Variants in DMRT1 observed in about 807,000 individuals in gnomAD.
DMRT1 encodes the protein doublesex and mab-3 related transcription factor 1.
In DMRT1, 7 loss-of-function variants were observed where a neutral mutation model predicts 32.3. The observed-to-expected ratio is 0.22, with a 90% CI of 0.12 to 0.41. DMRT1 has a LOEUF of 0.41. Among genes scored for constraint, DMRT1 ranks in the 10% least tolerant of loss-of-function variants. DMRT1 has a pLI of 1.00. For missense variants in DMRT1, 625 were observed against 500.5 expected, an observed-to-expected ratio of 1.25 and a Z score of -2.37; for synonymous variants, 278 against 206.1, an observed-to-expected ratio of 1.35 and a Z score of -2.99.
At chr9:938,059 A>G (rs928006641) in intron 4 of DMRT1, among the ~76,000 whole-genome samples, 2 of 152,096 alleles carry the variant, frequency 1.3e-5, no homozygotes, top group African/African-American at 4.8e-5. Context: ...ATTCTTTGGT[A>G]TGTGGATATC....
intron 2 of DMRT1, among the ~76,000 whole-genome samples, chr9:860,431 C>G (rs1171173600): frequency 6.6e-6 from 1 of 152,128 alleles, no homozygotes; most frequent in African/African-American, 2.4e-5. Context: ...GGAGAGTTTG[C>G]TGTCTGAGCA....
At chr9:910,809 T>A (rs1223572133) in intron 3 of DMRT1, among the ~76,000 whole-genome samples, 1 of 152,140 alleles carries the variant, frequency 6.6e-6, no homozygotes, top group Non-Finnish European at 1.5e-5. Flanking sequence ...TGCCTCTTGC[T>A]TGCCAGTGAC....
chr9:927,792 A>C (rs1818576680), intron 4 of DMRT1, among the ~76,000 whole-genome samples: 3 of 152,212 alleles, frequency 2.0e-5, no homozygotes. Flanking sequence ...GAACTAGAGT[A>C]GATGGTTATT....
At chr9:869,241 T>C (rs1195205350) in intron 2 of DMRT1, among the ~76,000 whole-genome samples, 2 of 152,156 alleles carry the variant, frequency 1.3e-5, no homozygotes, top group African/African-American at 4.8e-5. Context: ...CTTCCTCCCC[T>C]TTCCCTATGG....
rs536767711 is a variant in DMRT1, at chr9:876,332, C to G, written c.539-17580C>G. Among the ~76,000 whole-genome samples, 13 of 152,166 alleles carry G rather than the reference C, an allele frequency of 8.5e-5. 1 individual carries two copies. The East Asian group carries it at 2.3e-3, about 27-fold the overall frequency. On this transcript the variant is annotated intron_variant, in intron 2 of 4. Coordinates refer to ENST00000382276, the MANE Select transcript of DMRT1 (RefSeq NM_021951.3). ...GGGCCAGTGGGAAGTGACCTGGGGC[C>G]AAATCATGACTCTCAGCCACTGCCT...
chr9:938,389 A>G (rs1818955316), intron 4 of DMRT1, among the ~76,000 whole-genome samples: 1 of 152,188 alleles, frequency 6.6e-6, no homozygotes, highest in Non-Finnish European at 1.5e-5. Context: ...AACAATATTA[A>G]GTCTTCCAGT....
At chr9:857,116 A>G (rs772549889) in intron 2 of DMRT1, among the ~76,000 whole-genome samples, 1 of 152,040 alleles carries the variant, frequency 6.6e-6, no homozygotes, top group Non-Finnish European at 1.5e-5. Flanking sequence ...GGAGTTCGAA[A>G]CCAGCCATGG....
intron 3 of DMRT1, among the ~76,000 whole-genome samples, chr9:907,404 A>G (rs767404396): frequency 1.1e-4 from 16 of 152,184 alleles, no homozygotes; most frequent in Admixed American, 1.3e-4. Context: ...AATCCTGCAT[A>G]GATTTCTCAA....
At chr9:927,496 G>T (rs1009755650) in intron 4 of DMRT1, among the ~76,000 whole-genome samples, 3 of 152,300 alleles carry the variant, frequency 2.0e-5, no homozygotes, top group Middle Eastern at 3.4e-3. Flanking sequence ...TTTACACTAG[G>T]AATGAGTGCA....
intron 4 of DMRT1, among the ~76,000 whole-genome samples, chr9:967,606 G>T (rs12336949): frequency 0.18 from 27,948 of 152,080 alleles, 3,062 homozygotes; most frequent in East Asian, 0.31. Context: ...TTGAGGTAAT[G>T]TGTCAGATGG....
chr9:857,499 T>C (rs1044186188), intron 2 of DMRT1, among the ~76,000 whole-genome samples: 1 of 152,110 alleles, frequency 6.6e-6, no homozygotes, highest in Non-Finnish European at 1.5e-5. Context: ...GGTAGAAATA[T>C]TGGTATCTAT....
intron 2 of DMRT1, among the ~76,000 whole-genome samples, chr9:852,411 T>TC (rs2132555427): frequency 6.6e-6 from 1 of 152,178 alleles, no homozygotes; most frequent in African/African-American, 2.4e-5. Flanking sequence ...TTTTTTTTTT[T>TC]TCGAAAGTTA....
intron 2 of DMRT1, among the ~76,000 whole-genome samples, chr9:864,305 A>G (rs1190648528): frequency 7.0e-6 from 1 of 142,288 alleles, no homozygotes; most frequent in African/African-American, 2.7e-5. Context: ...CTCAGGTTCA[A>G]GCGATTCTCC....
intron 2 of DMRT1, among the ~76,000 whole-genome samples, chr9:850,337 A>C (rs1839091152): frequency 6.6e-6 from 1 of 152,196 alleles, no homozygotes; most frequent in South Asian, 2.1e-4. Flanking sequence ...AGAGCCAAAA[A>C]AACAAACACA....
intron 4 of DMRT1, among the ~76,000 whole-genome samples, chr9:955,214 G>T (rs569528993): frequency 7.9e-4 from 120 of 152,224 alleles, no homozygotes; most frequent in African/African-American, 2.9e-3. Context: ...GTGCTCCTGA[G>T]AGAGGGCAGG....
At position 894,340 on chromosome 9, in the gene DMRT1, G is replaced by A. The variant is rs573603497; in HGVS notation, c.822+145G>A. 3.3e-4 allele frequency: 282 copies of A among 859,678 alleles called. No homozygotes were observed. In the African/African-American group the frequency reaches 4.8e-3, roughly 15 times the overall value. The allele number at this position is 859,678 out of a possible 1,614,324, so 53.3% of individuals were successfully genotyped here. On this transcript the variant is annotated intron_variant, in intron 3 of 4. Coordinates refer to ENST00000382276, the MANE Select transcript of DMRT1 (RefSeq NM_021951.3). ...GACACACACAGGTACACACACATAT[G>A]TGTGTGTGCCATTTTGCACACATGT...
Position 894,030 on chromosome 9 carries a change from T to C in DMRT1, c.657T>C (p.Phe219=), listed in dbSNP as rs1424166740. 1.2e-6 allele frequency: 2 copies of C among 1,614,238 alleles called. No homozygotes were observed. Among genetic ancestry groups the C allele is most frequent in the Non-Finnish European group, 8.5e-7 (1 of 1,180,044 alleles). The part of the protein sequence containing the change: ...YYSSFYQPSL[F]PYYNNLYNCP... ...GCAGCTTCTACCAGCCGTCTCTGTTTCCTTATTACAACAATCTATACAACT... is the reference window on the plus strand; with the variant it reads ...GCAGCTTCTACCAGCCGTCTCTGTTCCCTTATTACAACAATCTATACAACT... The change falls in exon 3 of 5, where the codon TTT becomes TTC. Residue 219 remains phenylalanine (F), a synonymous_variant. Coordinates refer to ENST00000382276, the MANE Select transcript of DMRT1 (RefSeq NM_021951.3).
intron 4 of DMRT1, among the ~76,000 whole-genome samples, chr9:952,539 G>A (rs771089140): frequency 2.2e-4 from 33 of 152,194 alleles, no homozygotes; most frequent in Non-Finnish European, 4.1e-4. Context: ...ATTTTTACAT[G>A]TAAATTGGTC....
rs560875488 is a variant in DMRT1 at position 930,796 on chromosome 9, T to TC, written c.967+13891dup. Among the ~76,000 whole-genome samples the TC allele has an allele frequency of 3.5e-3, 526 of 152,168 alleles. 5 individuals carry two copies. Among genetic ancestry groups the TC allele is most frequent in the African/African-American group, 0.012 (504 of 41,472 alleles). The stretch of plus-strand genomic sequence containing the variant: ...GGGCCTCAAGCGGCCTGTTTCAGCC[T>TC]CCAAAAGCACTTGGATTACAGACAT... On this transcript the variant is annotated intron_variant, in intron 4 of 4. Coordinates refer to ENST00000382276, the MANE Select transcript of DMRT1 (RefSeq NM_021951.3).
Sources: allele counts gnomAD v4.1 joint callset (sites outside exome capture counted in the v4.1 genomes callset), GRCh38; gene constraint gnomAD v4.1.1; transcripts MANE v1.5; gene names NCBI Gene and HGNC (gene_info 2026-07-23, HGNC 2026-07-21).